KALRN: variants seen among roughly 807,000 people sequenced by gnomAD.
KALRN encodes the protein kalirin.
A neutral mutation model predicts 353.7 loss-of-function variants in KALRN; 70 were observed. That is an observed-to-expected ratio of 0.20 (90% CI 0.16 to 0.24). The LOEUF (loss-of-function observed/expected upper bound fraction) is 0.24, where lower values mean the gene tolerates loss of function less well. KALRN is among the 10% of genes least tolerant of loss of function. The pLI, the probability that KALRN is intolerant of heterozygous loss-of-function variation, is 1.00. For synonymous variants in KALRN, 1,391 were observed against 1,434.8 expected, an observed-to-expected ratio of 0.97 and a Z score of 0.69; for missense variants, 2,791 against 3,756.7, an observed-to-expected ratio of 0.74 and a Z score of 6.72.
At chr3:124,520,308 T>G (rs1228024885) in intron 33 of KALRN, among the ~76,000 whole-genome samples, 1 of 152,172 alleles carries the variant, frequency 6.6e-6, no homozygotes, top group East Asian at 1.9e-4. Flanking sequence ...AAAATTTTAT[T>G]TACAAAATTA....
chr3:124,619,362 T>C (rs1443616030), intron 34 of KALRN, among the ~76,000 whole-genome samples: 2 of 152,180 alleles, frequency 1.3e-5, no homozygotes, highest in Non-Finnish European at 2.9e-5. Context: ...TTACTGTGCA[T>C]AATGTTGCAA....
chr3:124,140,298 A>G (rs949917793), intron 1 of KALRN, among the ~76,000 whole-genome samples: 6 of 152,258 alleles, frequency 3.9e-5, no homozygotes, highest in Non-Finnish European at 8.8e-5. Context: ...TATGCCTCAC[A>G]GGAGAATGTG....
At chr3:124,645,969 C>A (rs746396410) in intron 37 of KALRN, among the ~76,000 whole-genome samples, 2 of 152,154 alleles carry the variant, frequency 1.3e-5, no homozygotes, top group African/African-American at 2.4e-5. Context: ...CATTTGTTAT[C>A]TCTTATTTTT....
At chr3:124,316,996 T>A (rs2078874880) in intron 6 of KALRN, among the ~76,000 whole-genome samples, 2 of 152,202 alleles carry the variant, frequency 1.3e-5, no homozygotes, top group Non-Finnish European at 2.9e-5. Flanking sequence ...TGGCTTCAGA[T>A]TTACAGGTAG....
chr3:124,153,614 A>G (rs1187975610), intron 1 of KALRN, among the ~76,000 whole-genome samples: 3 of 150,730 alleles, frequency 2.0e-5, no homozygotes, highest in South Asian at 2.1e-4. Context: ...ATGATTTATA[A>G]TCCTTTGGGT....
At chr3:124,591,157 C>T (rs2075732075) in intron 34 of KALRN, among the ~76,000 whole-genome samples, 2 of 152,156 alleles carry the variant, frequency 1.3e-5, no homozygotes, top group Non-Finnish European at 2.9e-5. Flanking sequence ...CTCTTCTGTC[C>T]CAAAACTGAA....
At chr3:124,175,804 A>C (rs2150152519) in intron 1 of KALRN, among the ~76,000 whole-genome samples, 1 of 152,298 alleles carries the variant, frequency 6.6e-6, no homozygotes, top group African/African-American at 2.4e-5. Context: ...TTTAGATTTC[A>C]GCCTCTATTC....
chr3:124,043,716 T>A (rs1273780274), intron 1 of KALRN, among the ~76,000 whole-genome samples: 1 of 152,080 alleles, frequency 6.6e-6, no homozygotes, highest in Non-Finnish European at 1.5e-5. Context: ...CCTAGAAGGC[T>A]CTTGGGCAGA....
chr3:124,125,000 T>C (rs1330206166), intron 1 of KALRN, among the ~76,000 whole-genome samples: 2 of 152,176 alleles, frequency 1.3e-5, no homozygotes, highest in African/African-American at 4.8e-5. Flanking sequence ...GGGTTTGCGT[T>C]TAACGTTGTA....
At chr3:124,474,426 G>C (rs148008275) in intron 25 of KALRN, among the ~76,000 whole-genome samples, 7 of 144,744 alleles carry the variant, frequency 4.8e-5, no homozygotes, top group African/African-American at 1.6e-4. Context: ...TTCACTTCTA[G>C]AAGTGTTCAC....
intron 1 of KALRN, among the ~76,000 whole-genome samples, chr3:124,108,936 A>G (rs1288940262): frequency 6.6e-6 from 1 of 152,276 alleles, no homozygotes; most frequent in Non-Finnish European, 1.5e-5. Flanking sequence ...ATAATTTGGG[A>G]TGCTTTTGGC....
intron 2 of KALRN, among the ~76,000 whole-genome samples, chr3:124,231,351 G>A (rs1480488158): frequency 6.6e-6 from 1 of 152,214 alleles, no homozygotes; most frequent in African/African-American, 2.4e-5. Context: ...GCCTTCTCAT[G>A]TGGGGTCCAT....
chr3:124,149,770 A>T (rs1017056932), intron 1 of KALRN, among the ~76,000 whole-genome samples: 7 of 152,240 alleles, frequency 4.6e-5, no homozygotes, highest in African/African-American at 1.7e-4. Context: ...ATAATAAGGC[A>T]TTATACAAAT....
intron 1 of KALRN, among the ~76,000 whole-genome samples, chr3:124,227,663 G>GTTTTTTTTTTTTTTTT (rs747087120): frequency 8.7e-5 from 6 of 69,260 alleles, no homozygotes; most frequent in Non-Finnish European, 1.4e-4. Flanking sequence ...CAACAGGGCT[G>GTTTTTTTTTTTTTTTT]TTTTTTTTTT....
At chr3:124,317,085 T>C (rs1267690096) in intron 6 of KALRN, among the ~76,000 whole-genome samples, 2 of 152,180 alleles carry the variant, frequency 1.3e-5, no homozygotes, top group Non-Finnish European at 2.9e-5. Context: ...TAGGCTATTC[T>C]GGAAAATCCA....
At chr3:124,564,758 G>A (rs2109927729) in intron 34 of KALRN, among the ~76,000 whole-genome samples, 1 of 152,304 alleles carries the variant, frequency 6.6e-6, no homozygotes, top group Middle Eastern at 3.4e-3. Context: ...GAGCCGGTGG[G>A]TCCCAACAGT....
At chr3:124,608,217 G>A (rs1327427670) in intron 34 of KALRN, among the ~76,000 whole-genome samples, 14 of 151,752 alleles carry the variant, frequency 9.2e-5, no homozygotes, top group Admixed American at 9.2e-4. Flanking sequence ...ATGTTGCCCA[G>A]GCTGGTCTCA....
At chr3:124,600,639 T>TTATA (rs34435980) in intron 34 of KALRN, among the ~76,000 whole-genome samples, 5 of 151,032 alleles carry the variant, frequency 3.3e-5, no homozygotes, top group East Asian at 1.9e-4. Flanking sequence ...ACCATGAAAT[T>TTATA]TATATATATA....
intron 55 of KALRN, among the ~76,000 whole-genome samples, chr3:124,698,219 A>C (rs927573443): frequency 1.3e-5 from 2 of 152,144 alleles, no homozygotes; most frequent in African/African-American, 4.8e-5. Flanking sequence ...CAAACAGTCC[A>C]CTTGCCTCAG....
Sources: gnomAD v4.1 joint callset for allele counts (sites outside exome capture counted in the v4.1 genomes callset) on GRCh38, gnomAD v4.1.1 for gene constraint, MANE v1.5 for transcripts, NCBI Gene and HGNC (gene_info 2026-07-23, HGNC 2026-07-21) for gene names.